RAB3C: variants seen among roughly 807,000 people sequenced by gnomAD.
RAB3C encodes RAB3C, member RAS oncogene family.
RAB3C carries 17 observed loss-of-function variants against 26.4 expected under a neutral mutation model. The ratio of observed to expected loss-of-function variants is 0.64; its 90% CI spans 0.44 to 0.97. RAB3C has a LOEUF of 0.97. Among genes scored for constraint, RAB3C ranks in the 50% least tolerant of loss-of-function variants. The pLI, the probability that RAB3C is intolerant of heterozygous loss-of-function variation, is 0.00. For missense variants in RAB3C, 242 were observed against 281.9 expected, an observed-to-expected ratio of 0.86 and a Z score of 1.01; for synonymous variants, 91 against 95.9, an observed-to-expected ratio of 0.95 and a Z score of 0.30.
chr5:58,652,719 G>A (rs551586001), intron 2 of RAB3C, among the ~76,000 whole-genome samples: 2 of 150,346 alleles, frequency 1.3e-5, no homozygotes, highest in South Asian at 4.2e-4. Flanking sequence ...AAAAACAAGA[G>A]AAAAGATGAA....
intron 2 of RAB3C, among the ~76,000 whole-genome samples, chr5:58,710,601 A>AGTAT (rs1554048949): frequency 7.3e-6 from 1 of 136,392 alleles, no homozygotes; most frequent in African/African-American, 3.0e-5. Context: ...TCTGTCTCAA[A>AGTAT]ATAAATAAAT....
chr5:58,711,741 A>G (rs936441998), intron 2 of RAB3C, among the ~76,000 whole-genome samples: 4 of 152,162 alleles, frequency 2.6e-5, no homozygotes, highest in African/African-American at 9.7e-5. Flanking sequence ...AACTGATACC[A>G]TGTCAAATAT....
intron 3 of RAB3C, among the ~76,000 whole-genome samples, chr5:58,740,788 C>T (rs1407683915): frequency 2.0e-5 from 3 of 152,140 alleles, no homozygotes; most frequent in Non-Finnish European, 4.4e-5. Flanking sequence ...CCACTGCACT[C>T]CAGCCTGGGC....
intron 3 of RAB3C, among the ~76,000 whole-genome samples, chr5:58,813,843 C>A (rs1053232530): frequency 1.2e-5 from 1 of 81,672 alleles, no homozygotes; most frequent in Non-Finnish European, 2.5e-5. Flanking sequence ...TGGGTTAACA[C>A]CCATGGAGCA....
chr5:58,661,863 T>A (rs1747912825), intron 2 of RAB3C, among the ~76,000 whole-genome samples: 1 of 149,322 alleles, frequency 6.7e-6, no homozygotes, highest in African/African-American at 2.6e-5. Flanking sequence ...AGAGAACGCA[T>A]GCAAAACAGA....
At chr5:58,602,602 T>C (rs1480132740) in intron 1 of RAB3C, among the ~76,000 whole-genome samples, 1 of 152,178 alleles carries the variant, frequency 6.6e-6, no homozygotes, top group Admixed American at 6.6e-5. Context: ...AATGTCCCTC[T>C]TTGTCTCTTT....
At chr5:58,626,097 C>T (rs1030395158) in intron 2 of RAB3C, among the ~76,000 whole-genome samples, 6 of 152,142 alleles carry the variant, frequency 3.9e-5, no homozygotes, top group African/African-American at 1.4e-4. Context: ...TTTCTGTATA[C>T]TTGGTTCTAC....
At chr5:58,613,243 C>A (rs1432588994) in intron 1 of RAB3C, among the ~76,000 whole-genome samples, 1 of 152,062 alleles carries the variant, frequency 6.6e-6, no homozygotes, top group Non-Finnish European at 1.5e-5. Flanking sequence ...CAAGGCCTAC[C>A]TGGAGCAACA....
intron 3 of RAB3C, among the ~76,000 whole-genome samples, chr5:58,736,266 C>T (rs1579888420): frequency 6.6e-6 from 1 of 152,166 alleles, no homozygotes; most frequent in African/African-American, 2.4e-5. Context: ...TCATAGTAAC[C>T]TTTCCCTAAT....
At chr5:58,710,419 C>T (rs752387692) in intron 2 of RAB3C, among the ~76,000 whole-genome samples, 6 of 151,408 alleles carry the variant, frequency 4.0e-5, no homozygotes, top group South Asian at 2.1e-4. Flanking sequence ...GCCAACATTG[C>T]GAAACCCCAT....
At chr5:58,678,940 T>C (rs1561286917) in intron 2 of RAB3C, among the ~76,000 whole-genome samples, 1 of 151,718 alleles carries the variant, frequency 6.6e-6, no homozygotes. Flanking sequence ...AAAGACTTTT[T>C]GTTTTTCCAG....
At chr5:58,666,433 C>G (rs159008) in intron 2 of RAB3C, among the ~76,000 whole-genome samples, 108,282 of 152,066 alleles carry the variant, frequency 0.71, 38,928 homozygotes, top group Middle Eastern at 0.79. Context: ...AAAACCACTG[C>G]GGGGGACAAG....
intron 3 of RAB3C, among the ~76,000 whole-genome samples, chr5:58,809,864 G>A (rs1664741352): frequency 6.6e-6 from 1 of 152,324 alleles, no homozygotes; most frequent in East Asian, 1.9e-4. Flanking sequence ...CCAGTCTATA[G>A]CATTTTGTTA....
chr5:58,681,451 T>C (rs1012150828), intron 2 of RAB3C, among the ~76,000 whole-genome samples: 8 of 152,256 alleles, frequency 5.3e-5, no homozygotes, highest in African/African-American at 1.9e-4. Context: ...GTACTTTTTG[T>C]TCCCATGAGA....
At chr5:58,684,291 T>C (rs1748402833) in intron 2 of RAB3C, among the ~76,000 whole-genome samples, 1 of 152,218 alleles carries the variant, frequency 6.6e-6, no homozygotes, top group African/African-American at 2.4e-5. Flanking sequence ...CTTGAGCCTG[T>C]ACAGATTTCA....
At chr5:58,796,604 G>T (rs1742655269) in intron 3 of RAB3C, among the ~76,000 whole-genome samples, 1 of 152,146 alleles carries the variant, frequency 6.6e-6, no homozygotes, top group Non-Finnish European at 1.5e-5. Context: ...ATAAAAATGG[G>T]ATGGCGAGGC....
At chr5:58,613,909 C>T (rs994790487) in intron 1 of RAB3C, among the ~76,000 whole-genome samples, 79 of 152,040 alleles carry the variant, frequency 5.2e-4, no homozygotes, top group African/African-American at 1.9e-3. Context: ...CCGAGGGGTT[C>T]CTTCAGATAC....
chr5:58,696,385 T>A (rs191269057), intron 2 of RAB3C, among the ~76,000 whole-genome samples: 262 of 152,292 alleles, frequency 1.7e-3, no homozygotes, highest in African/African-American at 6.2e-3. Flanking sequence ...TAAAATTCTC[T>A]TTTTTTGTTG....
intron 2 of RAB3C, among the ~76,000 whole-genome samples, chr5:58,684,843 C>T (rs158998): frequency 0.34 from 50,959 of 151,990 alleles, 8,899 homozygotes; most frequent in East Asian, 0.42. Flanking sequence ...AAGATTTTAC[C>T]GCCATGTGGG....
Sources: gnomAD v4.1 joint callset for allele counts (sites outside exome capture counted in the v4.1 genomes callset) on GRCh38, gnomAD v4.1.1 for gene constraint, MANE v1.5 for transcripts, NCBI Gene and HGNC (gene_info 2026-07-23, HGNC 2026-07-21) for gene names.